PCDH9: variants seen among roughly 807,000 people sequenced by gnomAD.
PCDH9 encodes the protein protocadherin 9, also known as protocadherin-9.
PCDH9 carries 24 observed loss-of-function variants against 70.6 expected under a neutral mutation model. The observed-to-expected ratio is 0.34, with a 90% CI of 0.25 to 0.48. The LOEUF is 0.48. Ranked by LOEUF, PCDH9 falls within the 20% of genes least tolerant of loss-of-function variation. The pLI is 0.99. For missense variants in PCDH9, 1,281 were observed against 1,503.6 expected, an observed-to-expected ratio of 0.85 and a Z score of 2.45; for synonymous variants, 562 against 558.5, an observed-to-expected ratio of 1.01 and a Z score of -0.09.
chr13:66,471,678 A>T (rs1958622268), intron 4 of PCDH9, among the ~76,000 whole-genome samples: 1 of 152,182 alleles, frequency 6.6e-6, no homozygotes, highest in Non-Finnish European at 1.5e-5. Flanking sequence ...ACATTTGAGG[A>T]AACTGAGGCA....
In PCDH9 at chr13:67,226,653, C is replaced by T. The variant is rs1360935692; in HGVS notation, c.1788G>A (p.Val596=). The stretch of plus-strand genomic sequence containing the variant: ...TATTCTCTCCAGCATCTGCATCTGT[C>T]ACTGTGATTACCCCCACAGTACTAT... ...PKYSTVGVIT[V]TDADAGENKA... is the part of the protein sequence containing the mutation. The change falls in exon 2 of 5, where the codon GTG becomes GTA. Residue 596 remains valine (V), a synonymous_variant. Coordinates refer to ENST00000377865, the MANE Select transcript of PCDH9 (RefSeq NM_203487.3). The surrounding 1 kb of genome is among the most constrained non-coding windows in gnomAD (Gnocchi z 5.0). 3 of 1,613,660 alleles carry T rather than the reference C, an allele frequency of 1.9e-6. No homozygotes were observed. The highest frequency in any genetic ancestry group is 8.5e-7 in the Non-Finnish European group (1 of 1,179,572).
At chr13:67,192,511 A>G (rs1439137167) in intron 2 of PCDH9, among the ~76,000 whole-genome samples, 2 of 152,186 alleles carry the variant, frequency 1.3e-5, no homozygotes, top group Non-Finnish European at 2.9e-5. Context: ...GAGTGCTTTT[A>G]TAAAATCCTT....
intron 4 of PCDH9, among the ~76,000 whole-genome samples, chr13:66,506,375 T>C (rs1223183929): frequency 6.6e-6 from 1 of 152,234 alleles, no homozygotes; most frequent in Non-Finnish European, 1.5e-5. Context: ...ACTACTGTTA[T>C]TTCTCATTCT....
chr13:67,033,488 T>C (rs1242147049), intron 2 of PCDH9, among the ~76,000 whole-genome samples: 3 of 152,176 alleles, frequency 2.0e-5, no homozygotes, highest in Admixed American at 1.3e-4. Flanking sequence ...TGTTATTCAA[T>C]CTGTGAGCAA....
intron 4 of PCDH9, among the ~76,000 whole-genome samples, chr13:66,520,591 T>A (rs1029510775): frequency 6.6e-6 from 1 of 152,198 alleles, no homozygotes; most frequent in Non-Finnish European, 1.5e-5. Flanking sequence ...CTATCGAATA[T>A]CTGATTATTT....
At chr13:67,026,218 T>C (rs1035020215) in intron 2 of PCDH9, among the ~76,000 whole-genome samples, 1 of 152,162 alleles carries the variant, frequency 6.6e-6, no homozygotes, top group Non-Finnish European at 1.5e-5. Context: ...GTGGATAAGC[T>C]TTTTGATGTG....
At chr13:66,874,957 G>C (rs996776930) in intron 3 of PCDH9, among the ~76,000 whole-genome samples, 1 of 151,366 alleles carries the variant, frequency 6.6e-6, no homozygotes, top group Non-Finnish European at 1.5e-5. Flanking sequence ...GAGAGAGAGA[G>C]AGAGAGACAG....
chr13:66,960,343 T>C (rs561792432), intron 2 of PCDH9, among the ~76,000 whole-genome samples: 1 of 152,286 alleles, frequency 6.6e-6, no homozygotes, highest in Non-Finnish European at 1.5e-5. Flanking sequence ...CATTGGACAC[T>C]ATGTGAATCA....
intron 4 of PCDH9, among the ~76,000 whole-genome samples, chr13:66,419,896 G>A (rs1027761838): frequency 2.0e-5 from 3 of 152,008 alleles, no homozygotes; most frequent in Non-Finnish European, 4.4e-5. Context: ...CACCCCCTAT[G>A]GAACCTAGCA....
chr13:66,561,860 C>A (rs982105575), intron 4 of PCDH9, among the ~76,000 whole-genome samples: 1 of 152,060 alleles, frequency 6.6e-6, no homozygotes, highest in South Asian at 2.1e-4. Flanking sequence ...GCAGTGGCAA[C>A]CCGCTCGGGT....
At chr13:66,422,056 A>C (rs529741569) in intron 4 of PCDH9, among the ~76,000 whole-genome samples, 2 of 152,318 alleles carry the variant, frequency 1.3e-5, no homozygotes, top group East Asian at 3.9e-4. Context: ...CGGTCAAAAG[A>C]GGCAAAGAAG....
intron 3 of PCDH9, among the ~76,000 whole-genome samples, chr13:66,737,178 A>C (rs1036814049): frequency 1.5e-5 from 2 of 133,196 alleles, no homozygotes; most frequent in African/African-American, 5.2e-5. Flanking sequence ...AGGTTGCACT[A>C]AGTTAAAACA....
At position 66,929,294 on chromosome 13, in the gene PCDH9, TA is replaced by T. The variant is rs148777344; in HGVS notation, c.3037-25690del. On this transcript the variant is annotated intron_variant, in intron 2 of 4. Coordinates refer to ENST00000377865, the MANE Select transcript of PCDH9 (RefSeq NM_203487.3). The stretch of plus-strand genomic sequence containing the variant: ...TTGGCGGCCTTATAACTTGTGACAT[TA>T]TTTTTTTATTTTTAATTATTAATTT... Among the ~76,000 whole-genome samples, 1,367 of 151,588 alleles carry T rather than the reference TA, an allele frequency of 9.0e-3. 16 individuals carry two copies. The highest frequency in any genetic ancestry group is 0.031 in the African/African-American group (1,291 of 41,468).
intron 3 of PCDH9, among the ~76,000 whole-genome samples, chr13:66,780,991 C>G (rs898196598): frequency 1.3e-5 from 2 of 151,952 alleles, no homozygotes; most frequent in Admixed American, 1.3e-4. Context: ...CTGTGGGATG[C>G]GGGTGGGGTG....
chr13:67,090,929 A>G (rs2086205612), intron 2 of PCDH9, among the ~76,000 whole-genome samples: 2 of 152,206 alleles, frequency 1.3e-5, no homozygotes, highest in Admixed American at 1.3e-4. Context: ...TATTCATTTT[A>G]CATCTTATTC....
chr13:66,564,860 G>A (rs1040213933), intron 4 of PCDH9, among the ~76,000 whole-genome samples: 1 of 128,612 alleles, frequency 7.8e-6, no homozygotes, highest in African/African-American at 3.0e-5. Context: ...TGCACATAAT[G>A]TAGGGTTTTT....
At chr13:66,917,734 C>T (rs1208064587) in intron 2 of PCDH9, among the ~76,000 whole-genome samples, 1 of 151,250 alleles carries the variant, frequency 6.6e-6, no homozygotes, top group Non-Finnish European at 1.5e-5. Context: ...ACTAAAATGC[C>T]TCAGAGTAAT....
chr13:66,330,302 T>C (rs905218146), intron 4 of PCDH9, among the ~76,000 whole-genome samples: 10 of 152,234 alleles, frequency 6.6e-5, no homozygotes, highest in Admixed American at 2.6e-4. Flanking sequence ...ATTTTCAGAA[T>C]TGAAAGTAGA....
intron 4 of PCDH9, among the ~76,000 whole-genome samples, chr13:66,326,169 G>A (rs999555047): frequency 9.9e-5 from 15 of 151,972 alleles, no homozygotes; most frequent in Non-Finnish European, 1.5e-4. Flanking sequence ...TCTTGATTAC[G>A]TCTTTATATG....
Sources: allele counts gnomAD v4.1 joint callset (sites outside exome capture counted in the v4.1 genomes callset), GRCh38; gene constraint gnomAD v4.1.1; non-coding constraint Gnocchi (gnomAD v3.1); transcripts MANE v1.5; gene names NCBI Gene and HGNC (gene_info 2026-07-23, HGNC 2026-07-21).